Variants in HIPK1 observed in about 807,000 individuals in gnomAD.
HIPK1 encodes the protein homeodomain-interacting protein kinase 1.
Under a neutral mutation model 117.1 loss-of-function variants are expected in HIPK1, and 28 were observed. That is an observed-to-expected ratio of 0.24 (90% CI 0.18 to 0.33). The LOEUF (loss-of-function observed/expected upper bound fraction) is 0.33, where lower values mean the gene tolerates loss of function less well. HIPK1 is among the 10% of genes least tolerant of loss of function. The pLI, the probability that HIPK1 is intolerant of heterozygous loss-of-function variation, is 1.00. For missense variants in HIPK1, 1,122 were observed against 1,475.1 expected, an observed-to-expected ratio of 0.76 and a Z score of 3.92; for synonymous variants, 605 against 562.5, an observed-to-expected ratio of 1.08 and a Z score of -1.07.
chr1:113,966,005 C>T lies in HIPK1; in HGVS notation c.2239-125C>T, dbSNP rs543145795. ...GCCCCTCTGACCTTTCTTTTTTAAT[C>T]TCTGCAAGTTAACAATCTACAAGCA... is the stretch of plus-strand genomic sequence containing the variant. On this transcript the variant is annotated intron_variant, in intron 10 of 15. Transcript: ENST00000426820. 3 of 884,644 alleles carry T rather than the reference C, an allele frequency of 3.4e-6. No individual in the cohort carries two copies. In the South Asian group the frequency reaches 5.5e-5, roughly 16 times the overall value. 54.8% of individuals were successfully genotyped at this position (884,644 alleles called of 1,614,324 possible). A position where few individuals can be genotyped will look rare whatever the true frequency, so the allele number is the denominator to read the frequency against.
intron 13 of HIPK1, among the ~76,000 whole-genome samples, chr1:113,968,912 C>T (rs547714590): frequency 8.0e-4 from 121 of 152,182 alleles, no homozygotes; most frequent in East Asian, 1.7e-3. Context: ...CCCAGCTACT[C>T]GGGAGGCTGA....
At chr1:113,938,965 T>TACACACACACAC (rs1558126082) in intron 1 of HIPK1, among the ~76,000 whole-genome samples, 2,302 of 109,236 alleles carry the variant, frequency 0.021, 99 homozygotes, top group East Asian at 0.15. Flanking sequence ...CACACACACT[T>TACACACACACAC]AGGAGATGGA....
At chr1:113,969,893 C>G in intron 13 of HIPK1, 63 bp from the exon 14 acceptor site, 1 of 1,576,880 alleles carries the variant, frequency 6.3e-7, no homozygotes, top group Non-Finnish European at 8.7e-7. Context: ...GGTGACAGAA[C>G]AAGACGCTGT....
rs982903269 is a variant in HIPK1, at chr1:113,946,884, T to C, written c.1076+5425T>C. Among the ~76,000 whole-genome samples the C allele has an allele frequency of 2.0e-5, 3 of 152,222 alleles. No individual in the cohort carries two copies. In the South Asian group the frequency reaches 6.2e-4, roughly 31 times the overall value. On this transcript the variant is annotated intron_variant, in intron 2 of 15. Transcript: ENST00000426820. ...TACTTGATAATGAGCCTAAGGCAGA[T>C]GGAACAGCAGCTCAGGCATTCCTTC...
intron 13 of HIPK1, among the ~76,000 whole-genome samples, 189 bp downstream of exon 13, chr1:113,968,837 AT>A (rs1672633261): frequency 1.3e-5 from 2 of 152,194 alleles, no homozygotes; most frequent in Non-Finnish European, 2.9e-5. Flanking sequence ...CCTGGCCAAC[AT>A]GGCACAACCC....
chr1:113,945,126 G>A (rs1052368331), intron 2 of HIPK1, among the ~76,000 whole-genome samples: 1 of 151,882 alleles, frequency 6.6e-6, no homozygotes, highest in Non-Finnish European at 1.5e-5. Context: ...TGGGATTACA[G>A]ACATGAGCCA....
At chr1:113,935,006 AAAG>A (rs1315904172) in intron 1 of HIPK1, among the ~76,000 whole-genome samples, 1 of 149,014 alleles carries the variant, frequency 6.7e-6, no homozygotes, top group Non-Finnish European at 1.5e-5. Flanking sequence ...AAAAAAAAAA[AAAG>A]AATCAGCTGT....
Position 113,940,889 on chromosome 1 carries a change from C to T in HIPK1, c.506C>T (p.Ser169Phe). The stretch of plus-strand genomic sequence containing the variant: ...ACTGTGACCACAAAGAGTAGCAGTT[C>T]CAGCGGAGAAGGGGATTACCAGCTG... ...TTTVTTKSSSSSGEGDYQLVQ... is the reference protein window; with the variant it reads ...TTTVTTKSSSFSGEGDYQLVQ... The change falls in exon 2 of 16, where the codon TCC becomes TTC. Residue 169 changes from serine to phenylalanine, a missense_variant. Ser to Phe is a radical substitution (Grantham distance 155). Around this residue, in one of 6 missense-constraint regions of HIPK1, gnomAD observed 192 missense variants for 234.0 expected, o/e 0.82. Coordinates refer to ENST00000426820, the MANE Select transcript of HIPK1 (RefSeq NM_198268.3). 1.2e-6 allele frequency: 2 copies of T among 1,614,120 alleles called. No individual in the cohort carries two copies. Among genetic ancestry groups the T allele is most frequent in the Non-Finnish European group, 1.7e-6 (2 of 1,180,040 alleles).
intron 8 of HIPK1, among the ~76,000 whole-genome samples, chr1:113,960,640 T>C (rs905105155): frequency 4.6e-5 from 7 of 152,238 alleles, no homozygotes; most frequent in African/African-American, 1.7e-4. Flanking sequence ...TGTCCTACTA[T>C]AGGCAAAAAT....
At position 113,973,354 on chromosome 1, in the gene HIPK1, A is replaced by C. The variant is rs899118333; in HGVS notation, c.3475A>C (p.Ser1159Arg). ...PSTLVHQVPV[S>R]VGPSLLTSAS... is the part of the protein sequence containing the mutation. ...CACTTTGGTGCACCAGGTCCCTGTC[A>C]GTGTTGGGCCCAGCCTCCTCACTTC... Residue 1159 changes from serine (S) to arginine (R), a missense_variant, in exon 16 of 16, where the codon AGT becomes CGT. Transcript: ENST00000426820. 6.2e-7 allele frequency: 1 copy of C among 1,613,984 alleles called. No individual in the cohort carries two copies. The highest frequency in any genetic ancestry group is 1.3e-5 in the African/African-American group (1 of 74,874).
At chr1:113,965,893 T>G (rs1044087243) in intron 10 of HIPK1, among the ~76,000 whole-genome samples, 5 of 152,174 alleles carry the variant, frequency 3.3e-5, no homozygotes, top group African/African-American at 1.2e-4. Flanking sequence ...GATCTTCTTT[T>G]CTTTAATACC....
chr1:113,966,191 G>A lies in HIPK1; in HGVS notation c.2300G>A (p.Gly767Glu). 1 of 1,613,618 alleles carries A rather than the reference G, an allele frequency of 6.2e-7. No homozygotes were observed. ...CCTTCAACTTGGCAACAGTTGCCTG[G>A]GGTAGCTCTACACAACTCTGTCCAG... Reference protein sequence around the residue: ...LLPSTWQQLPGVALHNSVQPT... With the variant: ...LLPSTWQQLPEVALHNSVQPT... Residue 767 changes from glycine to glutamate, a missense_variant, in exon 11 of 16, where the codon GGG becomes GAG. Physicochemically the swap from Gly to Glu is moderately conservative, Grantham distance 98. Coordinates refer to ENST00000426820, the MANE Select transcript of HIPK1 (RefSeq NM_198268.3).
In HIPK1 at chr1:113,945,503, T is replaced by C. The variant is rs144106763; in HGVS notation, c.1076+4044T>C. On this transcript the variant is annotated intron_variant, in intron 2 of 15. Transcript: ENST00000426820. Reference sequence around the variant, plus strand: ...TTGGTCTTTGATTCTTTGTTGATTTTTGTCTATGGTCCAAGGTACAAATCC... The same window carrying C: ...TTGGTCTTTGATTCTTTGTTGATTTCTGTCTATGGTCCAAGGTACAAATCC... Among the ~76,000 whole-genome samples the C allele has an allele frequency of 6.1e-3, 925 of 152,344 alleles. 9 individuals carry two copies. Among genetic ancestry groups the C allele is most frequent in the Middle Eastern group, 0.041 (12 of 294 alleles).
In HIPK1 at chr1:113,973,214, A is replaced by G. The variant is rs764497112; in HGVS notation, c.3335A>G (p.Tyr1112Cys). 1 of 1,613,892 alleles carries G rather than the reference A, an allele frequency of 6.2e-7. No homozygotes were observed. Among genetic ancestry groups the G allele is most frequent in the Non-Finnish European group, 8.5e-7 (1 of 1,179,922 alleles). Residue 1112 changes from tyrosine (Y) to cysteine (C), a missense_variant, in exon 16 of 16, where the codon TAT becomes TGT. Tyr to Cys is a radical substitution (Grantham distance 194, BLOSUM62 -2). Transcript: ENST00000426820. ...PAHLPSQAHL[Y>C]TYAAPTSAAA... ...CACCTGCCAAGCCAGGCTCATCTGT[A>G]TACGTATGCTGCCCCGACTTCTGCT...
At position 113,940,377 on chromosome 1, in the gene HIPK1, T is replaced by G. The variant is rs769908245; in HGVS notation, c.-2-5T>G. ...TGGTCTAATTCTTCCTTTCTCTCAA[T>G]ATAGGTATGGCATCACAGCTGCAAG... On this transcript the variant is annotated splice_polypyrimidine_tract_variant and splice_region_variant and intron_variant, in intron 1 of 15. Coordinates refer to ENST00000426820, the MANE Select transcript of HIPK1 (RefSeq NM_198268.3). 116 of 1,577,558 alleles carry G rather than the reference T, an allele frequency of 7.4e-5. No homozygotes were observed. The highest frequency in any genetic ancestry group is 9.8e-5 in the Non-Finnish European group (114 of 1,162,954).
rs766485730 is a variant in HIPK1, at chr1:113,956,759, A to C, written c.1540A>C (p.Asn514His). The part of the protein sequence containing the change: ...DKRITPLKTL[N>H]HQFVTMTHLL... The stretch of plus-strand genomic sequence containing the variant: ...GAGAATTACCCCTCTAAAAACTCTT[A>C]ACCATCAGTTTGTGACAATGACTCA... The change falls in exon 6 of 16, where the codon AAC becomes CAC. Residue 514 changes from asparagine to histidine, a missense_variant. Coordinates refer to ENST00000426820, the MANE Select transcript of HIPK1 (RefSeq NM_198268.3). 6.2e-7 allele frequency: 1 copy of C among 1,614,020 alleles called. No homozygotes were observed. The highest frequency in any genetic ancestry group is 1.3e-5 in the African/African-American group (1 of 74,946).
intron 1 of HIPK1, among the ~76,000 whole-genome samples, chr1:113,933,752 A>T (rs566375111): frequency 6.6e-6 from 1 of 152,126 alleles, no homozygotes; most frequent in Non-Finnish European, 1.5e-5. Context: ...TGGTAGTCCC[A>T]GTTACTCGGG....
At position 113,975,385 on chromosome 1, in the gene HIPK1, A is replaced by G. The variant is rs1025095567; in HGVS notation, c.*1873A>G. The G allele has an allele frequency of 2.0e-5, 3 of 152,704 alleles. No homozygotes were observed. Among genetic ancestry groups the G allele is most frequent in the Admixed American group, 6.5e-5 (1 of 15,276 alleles). 9.5% of individuals were successfully genotyped at this position (152,704 alleles called of 1,614,324 possible). On this transcript the variant is annotated 3_prime_UTR_variant, in exon 16 of 16. Transcript: ENST00000426820. Reference sequence around the variant, plus strand: ...TTCTCGGCTGAGTTCTCACAGAAGCATTTTCCCCATGTGGCTCTCTCACTG... The same window carrying G: ...TTCTCGGCTGAGTTCTCACAGAAGCGTTTTCCCCATGTGGCTCTCTCACTG...
intron 3 of HIPK1, among the ~76,000 whole-genome samples, chr1:113,954,115 C>CT (rs1344334791): frequency 1.3e-5 from 2 of 152,118 alleles, no homozygotes; most frequent in Non-Finnish European, 2.9e-5. Context: ...TGCATGCCAC[C>CT]TTGCCTAGCT....
Sources: allele counts gnomAD v4.1 joint callset (sites outside exome capture counted in the v4.1 genomes callset), GRCh38; gene constraint gnomAD v4.1.1; regional missense constraint gnomAD v4.1.1; transcripts MANE v1.5; gene names NCBI Gene and HGNC (gene_info 2026-07-23, HGNC 2026-07-21).